Variants in ABI3BP observed in about 807,000 individuals in gnomAD.
ABI3BP encodes ABI family member 3 binding protein.
In ABI3BP, 216 loss-of-function variants were observed where a neutral mutation model predicts 268.6. The observed-to-expected ratio is 0.80, with a 90% CI of 0.72 to 0.90. ABI3BP has a LOEUF of 0.90. ABI3BP is among the 40% of genes least tolerant of loss of function. The pLI, the probability that ABI3BP is intolerant of heterozygous loss-of-function variation, is 0.00. For synonymous variants in ABI3BP, 730 were observed against 730.0 expected (o/e 1.00, Z 0.00); for missense variants, 2,090 against 2,182.4 (o/e 0.96, Z 0.84).
chr3:100,952,320 A>G (rs1403094295), intron 1 of ABI3BP, among the ~76,000 whole-genome samples: 1 of 152,184 alleles, frequency 6.6e-6, no homozygotes, highest in Admixed American at 6.5e-5. Flanking sequence ...ATGTGAAGCA[A>G]TTAGCTTAGT....
At chr3:100,869,810 C>A (rs1482941609) in intron 9 of ABI3BP, among the ~76,000 whole-genome samples, 6 of 152,176 alleles carry the variant, frequency 3.9e-5, no homozygotes, top group African/African-American at 1.4e-4. Context: ...AAAATGCAAT[C>A]AGAACACAGC....
chr3:100,780,463 C>A (rs974335295), intron 57 of ABI3BP, among the ~76,000 whole-genome samples: 1 of 152,140 alleles, frequency 6.6e-6, no homozygotes, highest in Non-Finnish European at 1.5e-5. Flanking sequence ...TTTCATGAAA[C>A]TCATCCTGCA....
chr3:100,874,563 T>G (rs1404851759), intron 9 of ABI3BP, among the ~76,000 whole-genome samples: 2 of 152,200 alleles, frequency 1.3e-5, no homozygotes, highest in East Asian at 3.8e-4. Flanking sequence ...ATTACTTTAT[T>G]AGAAAGTTAT....
chr3:100,816,268 G>T, intron 43 of ABI3BP: 1 of 457,584 alleles, frequency 2.2e-6, no homozygotes, highest in Non-Finnish European at 3.9e-6. Flanking sequence ...AATTTGTTTA[G>T]GCAACAGATA....
At chr3:100,914,077 CAAGT>C (rs1260311553) in intron 2 of ABI3BP, among the ~76,000 whole-genome samples, 1 of 152,084 alleles carries the variant, frequency 6.6e-6, no homozygotes, top group African/African-American at 2.4e-5. Context: ...TCAGCACAAA[CAAGT>C]ATTTTTTGAA....
chr3:100,860,934 A>G (rs2098991352), intron 14 of ABI3BP, among the ~76,000 whole-genome samples: 1 of 152,144 alleles, frequency 6.6e-6, no homozygotes, highest in African/African-American at 2.4e-5. Context: ...ATGCCCCTAG[A>G]CTAGTTGTTG....
intron 33 of ABI3BP, 39 bp from the exon 34 acceptor site, chr3:100,828,491 T>G: frequency 6.7e-7 from 1 of 1,481,552 alleles, no homozygotes; most frequent in Non-Finnish European, 9.1e-7. Context: ...CAACAAAACA[T>G]TAAAAATTTA....
At chr3:100,922,238 A>C (rs2060439853) in intron 2 of ABI3BP, among the ~76,000 whole-genome samples, 1 of 152,242 alleles carries the variant, frequency 6.6e-6, no homozygotes, top group Admixed American at 6.5e-5. Context: ...GTAAACTGAT[A>C]TCAGAAAGGG....
chr3:100,802,317 T>C (rs890778258), intron 51 of ABI3BP, among the ~76,000 whole-genome samples: 1 of 152,186 alleles, frequency 6.6e-6, no homozygotes, highest in Admixed American at 6.5e-5. Context: ...CCTATCCCAA[T>C]GCCTGGGGGT....
At chr3:100,916,787 C>A (rs184373285) in intron 2 of ABI3BP, among the ~76,000 whole-genome samples, 1 of 152,176 alleles carries the variant, frequency 6.6e-6, no homozygotes, top group African/African-American at 2.4e-5. Context: ...TCTCCCTTTT[C>A]TTGATGCAAA....
chr3:100,860,213 T>C (rs542592626), intron 14 of ABI3BP, among the ~76,000 whole-genome samples: 22 of 152,342 alleles, frequency 1.4e-4, no homozygotes, highest in Admixed American at 3.3e-4. Context: ...CCAAATGCTA[T>C]TGGACTGAGG....
At chr3:100,945,015 G>A in intron 1 of ABI3BP, among the ~76,000 whole-genome samples, 1 of 152,108 alleles carries the variant, frequency 6.6e-6, no homozygotes, top group East Asian at 1.9e-4. Context: ...CTTTAGGTCG[G>A]CTGTCTTCTC....
chr3:100,832,020 A>T lies in ABI3BP; in HGVS notation c.2401+244T>A, dbSNP rs539065311. ...AAATGATTGTGCTGGCTCAATACTGAGCAGCTTTGTCTTTAAGACAGGAAT... is the reference window on the plus strand; with the variant it reads ...AAATGATTGTGCTGGCTCAATACTGTGCAGCTTTGTCTTTAAGACAGGAAT... On this transcript the variant is annotated intron_variant, in intron 31 of 67. Transcript: ENST00000471714. Among the ~76,000 whole-genome samples, 13 of 152,286 alleles carry T rather than the reference A, an allele frequency of 8.5e-5. No homozygotes were observed. The South Asian group carries it at 2.7e-3, about 32-fold the overall frequency.
intron 2 of ABI3BP, among the ~76,000 whole-genome samples, chr3:100,904,706 A>G (rs892094228): frequency 5.9e-5 from 9 of 152,214 alleles, no homozygotes; most frequent in African/African-American, 2.2e-4. Context: ...CAAAACCACA[A>G]TGAGATACCA....
chr3:100,988,078 C>T (rs1339760817), intron 1 of ABI3BP, among the ~76,000 whole-genome samples: 1 of 152,188 alleles, frequency 6.6e-6, no homozygotes, highest in Non-Finnish European at 1.5e-5. Context: ...AGCAGAACCA[C>T]ACCAAGTAGG....
intron 58 of ABI3BP, among the ~76,000 whole-genome samples, chr3:100,779,604 A>ACTCTCTCTCT (rs138554435): frequency 4.4e-5 from 6 of 135,516 alleles, no homozygotes; most frequent in Non-Finnish European, 8.1e-5. Context: ...TAAGAGAAAG[A>ACTCTCTCTCT]CTCTCTCTCT....
In ABI3BP at chr3:100,825,168, A is replaced by T. The variant is rs554793071; in HGVS notation, c.2663-227T>A. Among the ~76,000 whole-genome samples, 5 of 152,282 alleles carry T rather than the reference A, an allele frequency of 3.3e-5. No individual in the cohort carries two copies. In the South Asian group the frequency reaches 1.0e-3, roughly 32 times the overall value. On this transcript the variant is annotated intron_variant, in intron 35 of 67. Transcript: ENST00000471714. ...GCTCACTCAAGGAGTGAAGATTAGC[A>T]CTTGTATTGAGAAACTTATAGAACT...
At position 100,828,452 on chromosome 3, in the gene ABI3BP, A is replaced by G; in HGVS notation, c.2543T>C (p.Val848Ala). The G allele has an allele frequency of 6.5e-7, 1 of 1,533,406 alleles. No homozygotes were observed. The allele number at this position is 1,533,406 out of a possible 1,614,324, so 95.0% of individuals were successfully genotyped here. The change falls in exon 34 of 68, where the codon GTT (valine) becomes GCT (alanine). Residue 848 changes from valine to alanine, a missense_variant and splice_region_variant. Val to Ala is a moderately conservative substitution (Grantham distance 64, BLOSUM62 0). Transcript: ENST00000471714. ...LSPEELQTEL[V>A]PATIFEPVSP... The stretch of plus-strand genomic sequence containing the variant: ...AACTGGTTCAAAGATTGTAGCAGGA[A>G]CTGGCCAAAAATAATAAAAATAAAA...
chr3:100,801,895 C>A (rs1437967947), intron 51 of ABI3BP, among the ~76,000 whole-genome samples: 1 of 152,140 alleles, frequency 6.6e-6, no homozygotes, highest in Admixed American at 6.5e-5. Flanking sequence ...TAATTGTTAA[C>A]TATTGTTATC....
Sources: gnomAD v4.1 joint callset for allele counts (sites outside exome capture counted in the v4.1 genomes callset) on GRCh38, gnomAD v4.1.1 for gene constraint, MANE v1.5 for transcripts, NCBI Gene and HGNC (gene_info 2026-07-23, HGNC 2026-07-21) for gene names.